The following MYOCD variants were observed in gnomAD, a reference collection of about 807,000 sequenced individuals.
MYOCD encodes the protein myocardin.
In MYOCD, 32 loss-of-function variants were observed where a neutral mutation model predicts 96.1. The ratio of observed to expected loss-of-function variants is 0.33; its 90% CI spans 0.25 to 0.45. The LOEUF (loss-of-function observed/expected upper bound fraction) is 0.45. Among genes scored for constraint, MYOCD ranks in the 20% least tolerant of loss-of-function variants. MYOCD has a pLI of 1.00. For synonymous variants in MYOCD, 469 were observed against 469.0 expected, an observed-to-expected ratio of 1.00 and a Z score of 0.00; for missense variants, 1,133 against 1,200.6, an observed-to-expected ratio of 0.94 and a Z score of 0.83.
At chr17:12,753,929 A>C (rs150233660) in intron 10 of MYOCD, among the ~76,000 whole-genome samples, 1 of 152,332 alleles carries the variant, frequency 6.6e-6, no homozygotes, top group Non-Finnish European at 1.5e-5. Context: ...TCTGGGACTT[A>C]GTGCTGAACT....
At chr17:12,744,095 G>C in intron 7 of MYOCD, 88 bp from the exon 8 acceptor site, 4 of 1,496,502 alleles carry the variant, frequency 2.7e-6, no homozygotes, top group Non-Finnish European at 3.6e-6. Context: ...ATGGCCATCA[G>C]ACAAAACTGC....
Position 12,692,382 on chromosome 17 carries a change from T to A in MYOCD, c.56-12746T>A, listed in dbSNP as rs2030497501. On this transcript the variant is annotated intron_variant, in intron 1 of 13. Coordinates refer to ENST00000425538, the MANE Select transcript of MYOCD (RefSeq NM_001146312.3). The stretch of plus-strand genomic sequence containing the variant: ...AAAGGTCTTTGATAACCTTGTAGAG[T>A]TTAGAAAGTGGTAAGCTCATTAATG... Among the ~76,000 whole-genome samples the A allele has an allele frequency of 2.0e-5, 3 of 152,122 alleles. No homozygotes were observed. In the South Asian group the frequency reaches 6.2e-4, roughly 32 times the overall value.
intron 6 of MYOCD, among the ~76,000 whole-genome samples, chr17:12,737,195 C>T (rs955509742): frequency 1.3e-5 from 2 of 152,170 alleles, no homozygotes; most frequent in Admixed American, 1.3e-4. Flanking sequence ...GCAGAGGTTG[C>T]AGTGAGCTGA....
chr17:12,722,220 G>A lies in MYOCD; in HGVS notation c.254-627G>A, dbSNP rs944675544. On this transcript the variant is annotated intron_variant, in intron 4 of 13. Coordinates refer to ENST00000425538, the MANE Select transcript of MYOCD (RefSeq NM_001146312.3). ...AGTCAGGGCCCAACCTAAAAAGGAA[G>A]TTTGGTGTCAGCTGTATCGAAGTGG... Among the ~76,000 whole-genome samples, 9 of 152,338 alleles carry A rather than the reference G, an allele frequency of 5.9e-5. No individual in the cohort carries two copies. The South Asian group carries it at 6.2e-4, about 11-fold the overall frequency.
intron 1 of MYOCD, chr17:12,671,771 A>C (rs1317619076): frequency 2.0e-5 from 3 of 152,232 alleles, no homozygotes; most frequent in African/African-American, 4.8e-5. Context: ...GAATAACAGA[A>C]GTGCAGGGCA....
intron 2 of MYOCD, among the ~76,000 whole-genome samples, chr17:12,714,227 C>T (rs546464657): frequency 1.3e-4 from 19 of 151,462 alleles, no homozygotes; most frequent in Middle Eastern, 3.4e-3. Flanking sequence ...TTATGGTAGC[C>T]GTCATGACTA....
At chr17:12,716,747 G>T (rs886600815) in intron 3 of MYOCD, among the ~76,000 whole-genome samples, 1 of 152,134 alleles carries the variant, frequency 6.6e-6, no homozygotes, top group Non-Finnish European at 1.5e-5. Context: ...GGAGGCTGAG[G>T]TGGGCAGATT....
intron 6 of MYOCD, among the ~76,000 whole-genome samples, chr17:12,738,694 C>T (rs983915360): frequency 5.9e-5 from 9 of 152,018 alleles, no homozygotes; most frequent in South Asian, 2.1e-4. Context: ...CCTTTTTCTG[C>T]TAACATCCTT....
intron 11 of MYOCD, 24 bp downstream of exon 11, chr17:12,756,581 A>G: frequency 1.3e-6 from 2 of 1,542,114 alleles, no homozygotes; most frequent in East Asian, 4.9e-5. Flanking sequence ...AAAAGGCCTC[A>G]ACCTGGGATT....
At chr17:12,686,677 T>G (rs898214012) in intron 1 of MYOCD, among the ~76,000 whole-genome samples, 2 of 152,214 alleles carry the variant, frequency 1.3e-5, no homozygotes, top group African/African-American at 4.8e-5. Context: ...ATAGCTCTTG[T>G]AGTTGCCAAG....
intron 1 of MYOCD, among the ~76,000 whole-genome samples, chr17:12,669,386 A>G (rs550489715): frequency 1.3e-5 from 2 of 152,322 alleles, no homozygotes; most frequent in South Asian, 4.1e-4. Flanking sequence ...TAAACCGCGC[A>G]AACAGAGGCA....
chr17:12,705,039 A>G, intron 1 of MYOCD, 89 bp from the exon 2 acceptor site: 2 of 808,378 alleles, frequency 2.5e-6, no homozygotes. Context: ...TTTAGAAATA[A>G]AATGAGACGA....
intron 9 of MYOCD, among the ~76,000 whole-genome samples, chr17:12,751,333 A>G (rs955486678): frequency 6.6e-6 from 1 of 151,884 alleles, no homozygotes; most frequent in African/African-American, 2.4e-5. Context: ...TTAGAAAAAT[A>G]GTCAATTCAA....
At chr17:12,754,337 C>G (rs747579817) in intron 10 of MYOCD, among the ~76,000 whole-genome samples, 1 of 152,110 alleles carries the variant, frequency 6.6e-6, no homozygotes, top group East Asian at 1.9e-4. Context: ...CTCCTGACCT[C>G]GTGATCCGCC....
intron 9 of MYOCD, among the ~76,000 whole-genome samples, chr17:12,749,999 G>A (rs567885645): frequency 2.6e-5 from 4 of 151,852 alleles, no homozygotes; most frequent in South Asian, 2.1e-4. Flanking sequence ...ACAGGCGCCC[G>A]CCATCATGCC....
chr17:12,739,662 A>G (rs572382380), intron 7 of MYOCD, among the ~76,000 whole-genome samples: 1 of 152,358 alleles, frequency 6.6e-6, no homozygotes, highest in East Asian at 1.9e-4. Context: ...TGCAAGTTTC[A>G]TAAAATAGGT....
chr17:12,758,254 T>C, intron 12 of MYOCD, 41 bp downstream of exon 12: 5 of 1,612,944 alleles, frequency 3.1e-6, no homozygotes, highest in Non-Finnish European at 4.2e-6. Flanking sequence ...ATAGACTGAC[T>C]CAATGAACAG....
Position 12,744,270 on chromosome 17 carries a change from A to C in MYOCD, c.805A>C (p.Ile269Leu). The change falls in exon 8 of 14, where the codon ATT (isoleucine) becomes CTT (leucine). Residue 269 changes from isoleucine (I) to leucine (L), a missense_variant. Physicochemically the swap from Ile to Leu is conservative, Grantham distance 5. Coordinates refer to ENST00000425538, the MANE Select transcript of MYOCD (RefSeq NM_001146312.3). ...KVKKLKYHQY[I>L]PPDQKAEKSP... The stretch of plus-strand genomic sequence containing the variant: ...GAAGAAGCTTAAATATCACCAGTAC[A>C]TTCCCCCAGACCAGAAGGCAGAGAA... 1 of 1,614,188 alleles carries C rather than the reference A, an allele frequency of 6.2e-7. No homozygotes were observed. The highest frequency in any genetic ancestry group is 1.1e-5 in the South Asian group (1 of 91,082).
intron 5 of MYOCD, among the ~76,000 whole-genome samples, chr17:12,732,414 G>C (rs897245449): frequency 6.6e-6 from 1 of 151,990 alleles, no homozygotes; most frequent in East Asian, 1.9e-4. Flanking sequence ...GTCACTTCAG[G>C]CTCCATTCAA....
Sources: allele counts gnomAD v4.1 joint callset (sites outside exome capture counted in the v4.1 genomes callset), GRCh38; gene constraint gnomAD v4.1.1; transcripts MANE v1.5; gene names NCBI Gene and HGNC (gene_info 2026-07-23, HGNC 2026-07-21).